The following SLC25A38 variants were observed in gnomAD, a reference collection of about 807,000 sequenced individuals.
SLC25A38 encodes the protein solute carrier family 25 member 38, also known as mitochondrial glycine transporter.
A neutral mutation model predicts 33.4 loss-of-function variants in SLC25A38; 27 were observed. That is an observed-to-expected ratio of 0.81 (90% CI 0.60 to 1.11). The LOEUF (loss-of-function observed/expected upper bound fraction) is 1.11. Among genes scored for constraint, SLC25A38 ranks in the 50% most tolerant of loss-of-function variants. The pLI, the probability that SLC25A38 is intolerant of heterozygous loss-of-function variation, is 0.00. For synonymous variants in SLC25A38, 123 were observed against 145.9 expected, an observed-to-expected ratio of 0.84 and a Z score of 1.13; for missense variants, 344 against 388.8, an observed-to-expected ratio of 0.88 and a Z score of 0.97.
chr3:39,394,617 G>A (rs1252022584), intron 6 of SLC25A38, 41 bp downstream of exon 6: 3 of 1,611,586 alleles, frequency 1.9e-6, no homozygotes, highest in Non-Finnish European at 2.5e-6. Context: ...TGGTGTTTAA[G>A]GATCTCTTTC....
intron 1 of SLC25A38, chr3:39,384,823 CAG>C (rs1229793296): frequency 2.7e-6 from 1 of 372,302 alleles, no homozygotes. Context: ...TTTTTTGAGA[CAG>C]AGTCTCGCCC....
intron 1 of SLC25A38, among the ~76,000 whole-genome samples, chr3:39,386,466 C>T (rs138015922): frequency 1.3e-5 from 2 of 152,164 alleles, no homozygotes; most frequent in African/African-American, 2.4e-5. Context: ...CCCAGCTACT[C>T]GTGAGGCTGA....
At chr3:39,386,238 A>G (rs559512670) in intron 1 of SLC25A38, among the ~76,000 whole-genome samples, 36 of 151,852 alleles carry the variant, frequency 2.4e-4, no homozygotes, top group Non-Finnish European at 5.0e-4. Context: ...ATTATCTTTC[A>G]TTGAAGGGTT....
At chr3:39,387,911 G>A (rs1355904368) in intron 1 of SLC25A38, 1 of 153,176 alleles carries the variant, frequency 6.5e-6, no homozygotes, top group Non-Finnish European at 1.5e-5. Context: ...GGTGCAGCAG[G>A]TGCTTGGTGA....
chr3:39,395,760 G>T (rs1379437923), intron 6 of SLC25A38, among the ~76,000 whole-genome samples: 2 of 151,822 alleles, frequency 1.3e-5, no homozygotes, highest in South Asian at 2.1e-4. Flanking sequence ...TGGCAAGCAG[G>T]TTTCTGCCTG....
At chr3:39,394,720 A>G in intron 6 of SLC25A38, 144 bp downstream of exon 6, 4 of 936,368 alleles carry the variant, frequency 4.3e-6, no homozygotes, top group Non-Finnish European at 6.4e-6. Context: ...GGCCAACTAT[A>G]TCAGAATGTC....
chr3:39,384,300 A>G (rs192734560), intron 1 of SLC25A38: 2,040 of 203,926 alleles, frequency 0.01, 41 homozygotes, highest in African/African-American at 0.044. Context: ...GTGGTCCCCC[A>G]GCGACGCCAC....
rs541727508 is a variant in SLC25A38, at chr3:39,384,278, T to C, written c.69+485T>C. Among the ~76,000 whole-genome samples the C allele has an allele frequency of 1.0e-3, 155 of 152,264 alleles. 2 individuals are homozygous for C. The highest frequency in any genetic ancestry group is 4.8e-3 in the Admixed American group (73 of 15,302). ...GTCGTGGCGGCACCCTTCCAGCCTG[T>C]TGGGACGGCGCGTGGTCCCCCAGCG... On this transcript the variant is annotated intron_variant, in intron 1 of 6. Transcript: ENST00000650617.
rs1221210544 is a variant in SLC25A38, at chr3:39,384,697, T to C, written c.69+904T>C. 4 of 398,446 alleles carry C rather than the reference T, an allele frequency of 1.0e-5. No homozygotes were observed. In the East Asian group the frequency reaches 1.4e-4, roughly 14 times the overall value. 24.7% of individuals were successfully genotyped at this position (398,446 alleles called of 1,614,324 possible). On this transcript the variant is annotated intron_variant, in intron 1 of 6. Transcript: ENST00000650617. ...TCCAGTTTGTACTCTTATGTGCTAC[T>C]TATTTCGTGTGCGTATTATTGTTTA...
At chr3:39,386,859 G>A (rs542927062) in intron 1 of SLC25A38, among the ~76,000 whole-genome samples, 5 of 152,290 alleles carry the variant, frequency 3.3e-5, no homozygotes, top group East Asian at 3.9e-4. Flanking sequence ...GGAGCTGGTC[G>A]GAGGTGTGGG....
At chr3:39,387,956 C>A in intron 1 of SLC25A38, 1 of 152,788 alleles carries the variant, frequency 6.5e-6, no homozygotes. Context: ...GGAGATTTAG[C>A]TGGATAGCAA....
chr3:39,384,458 G>C (rs1027028887), intron 1 of SLC25A38: 25 of 380,624 alleles, frequency 6.6e-5, no homozygotes, highest in Non-Finnish European at 7.9e-5. Flanking sequence ...GGCCACTGCA[G>C]CTGCCGCAGC....
chr3:39,386,225 A>C (rs2041706963), intron 1 of SLC25A38, among the ~76,000 whole-genome samples: 1 of 152,140 alleles, frequency 6.6e-6, no homozygotes, highest in South Asian at 2.1e-4. Flanking sequence ...AATTTCACAA[A>C]ACATTATCTT....
chr3:39,394,607 T>C (rs1173432190), intron 6 of SLC25A38, 31 bp downstream of exon 6: 1 of 1,613,538 alleles, frequency 6.2e-7, no homozygotes, highest in Non-Finnish European at 8.5e-7. Flanking sequence ...CTGGTTCTTG[T>C]GGTGTTTAAG....
Position 39,396,703 on chromosome 3 carries a change from G to C in SLC25A38, c.*183G>C, listed in dbSNP as rs926123544. The C allele has an allele frequency of 2.1e-6, 2 of 934,888 alleles. No homozygotes were observed. Among genetic ancestry groups the C allele is most frequent in the Non-Finnish European group, 3.3e-6 (2 of 608,596 alleles). The allele number at this position is 934,888 out of a possible 1,614,324, so 57.9% of individuals were successfully genotyped here. The stretch of plus-strand genomic sequence containing the variant: ...TATATGGACCTGATTTCAGCCTTCA[G>C]AATCTCCAAAAGAGGAGTCATCAAT... On this transcript the variant is annotated 3_prime_UTR_variant, in exon 7 of 7. Coordinates refer to ENST00000650617, the MANE Select transcript of SLC25A38 (RefSeq NM_017875.4).
rs545960100 is a variant in SLC25A38 at position 39,383,600 on chromosome 3, C to A, written c.-125C>A. ...GCTTATAGGCGCAGACGTCAGAGAG[C>A]CCGCGGCTTAAAGCGCGTCGCCTGG... is the stretch of plus-strand genomic sequence containing the variant. On this transcript the variant is annotated 5_prime_UTR_variant, in exon 1 of 7. Transcript: ENST00000650617. 153 of 1,086,234 alleles carry A rather than the reference C, an allele frequency of 1.4e-4. No homozygotes were observed. In the East Asian group the frequency reaches 2.0e-3, roughly 15 times the overall value. 67.3% of individuals were successfully genotyped at this position (1,086,234 alleles called of 1,614,324 possible).
intron 5 of SLC25A38, 25 bp downstream of exon 5, chr3:39,392,046 A>C (rs750541864): frequency 1.2e-6 from 2 of 1,613,958 alleles, no homozygotes; most frequent in Admixed American, 3.3e-5. Context: ...AGATCTGGGG[A>C]AGAGCTATCC....
Position 39,391,533 on chromosome 3 carries a change from C to A in SLC25A38, c.369C>A (p.Ala123=). Residue 123 remains alanine, a synonymous_variant, in exon 4 of 7, where the codon GCC becomes GCA. Transcript: ENST00000650617. Reference sequence around the variant, plus strand: ...TCTTGCGAGGCCATCCCCCAACCGCCCTGGAGTCAGTCATGCTGGGGGTGG... The same window carrying A: ...TCTTGCGAGGCCATCCCCCAACCGCACTGGAGTCAGTCATGCTGGGGGTGG... ...QYFLRGHPPT[A]LESVMLGVGS... is the part of the protein sequence containing the mutation. The A allele has an allele frequency of 6.2e-7, 1 of 1,614,210 alleles. No individual in the cohort carries two copies. The highest frequency in any genetic ancestry group is 8.5e-7 in the Non-Finnish European group (1 of 1,180,042).
rs1400222753 is a variant in SLC25A38, at chr3:39,396,879, C to T, written c.*359C>T. On this transcript the variant is annotated 3_prime_UTR_variant, in exon 7 of 7. Transcript: ENST00000650617. ...CTCCTTGGGTATGTTCTTGGGCAAG[C>T]AATCACAAAGCCAGAGAAGCTGTAA... 1.4e-5 allele frequency: 5 copies of T among 349,800 alleles called. No individual in the cohort carries two copies. Among genetic ancestry groups the T allele is most frequent in the Non-Finnish European group, 2.2e-5 (4 of 179,174 alleles). 21.7% of individuals were successfully genotyped at this position (349,800 alleles called of 1,614,324 possible).
Sources: allele counts gnomAD v4.1 joint callset (sites outside exome capture counted in the v4.1 genomes callset), GRCh38; gene constraint gnomAD v4.1.1; transcripts MANE v1.5; gene names NCBI Gene and HGNC (gene_info 2026-07-23, HGNC 2026-07-21).